SPEF2: variants seen among roughly 807,000 people sequenced by gnomAD.
SPEF2 encodes sperm flagella and cilia-associated protein 2.
A neutral mutation model predicts 224.6 loss-of-function variants in SPEF2; 187 were observed. That is an observed-to-expected ratio of 0.83 (90% CI 0.74 to 0.94). The LOEUF (loss-of-function observed/expected upper bound fraction) is 0.94. Among genes scored for constraint, SPEF2 ranks in the 40% least tolerant of loss-of-function variants. The pLI is 0.00. For missense variants in SPEF2, 2,170 were observed against 2,135.6 expected (o/e 1.02, Z -0.32); for synonymous variants, 715 against 707.3 (o/e 1.01, Z -0.17).
At chr5:35,697,298 A>T in intron 14 of SPEF2, among the ~76,000 whole-genome samples, 1 of 152,222 alleles carries the variant, frequency 6.6e-6, no homozygotes, top group East Asian at 1.9e-4. Flanking sequence ...AATCTGTGGA[A>T]TTTGACCATG....
intron 23 of SPEF2, among the ~76,000 whole-genome samples, chr5:35,752,714 C>T (rs1749847669): frequency 7.4e-5 from 1 of 13,502 alleles, no homozygotes; most frequent in Admixed American, 2.2e-3. Flanking sequence ...AGTTCGTATT[C>T]TGGCTCCACC....
chr5:35,794,702 G>A (rs564018871), intron 32 of SPEF2, among the ~76,000 whole-genome samples: 3 of 152,244 alleles, frequency 2.0e-5, no homozygotes, highest in East Asian at 1.9e-4. Flanking sequence ...CAATTTGAAC[G>A]TCCTTTTGCA....
At chr5:35,718,407 G>A (rs1302608608) in intron 20 of SPEF2, among the ~76,000 whole-genome samples, 1 of 152,114 alleles carries the variant, frequency 6.6e-6, no homozygotes, top group Non-Finnish European at 1.5e-5. Flanking sequence ...GCATTTGAAA[G>A]GGATACAGAG....
intron 23 of SPEF2, among the ~76,000 whole-genome samples, chr5:35,743,174 AG>A (rs1747955997): frequency 6.6e-6 from 1 of 151,838 alleles, no homozygotes; most frequent in African/African-American, 2.4e-5. Context: ...ACTTATTATT[AG>A]GCATGGAAGA....
rs370365271 is a variant in SPEF2 at position 35,691,018 on chromosome 5, T to C, written c.1525-19T>C. On this transcript the variant is annotated intron_variant, in intron 10 of 36. Transcript: ENST00000356031. ...CACTTTTCAGAATATTTCTGTTTAT[T>C]TGATCGTTATTTTTACAGAACATGG... is the stretch of plus-strand genomic sequence containing the variant. 1.3e-6 allele frequency: 2 copies of C among 1,592,060 alleles called. No individual in the cohort carries two copies. The highest frequency in any genetic ancestry group is 1.7e-6 in the Non-Finnish European group (2 of 1,164,616).
At chr5:35,706,339 T>G (rs1739764826) in intron 18 of SPEF2, among the ~76,000 whole-genome samples, 1 of 151,998 alleles carries the variant, frequency 6.6e-6, no homozygotes, top group East Asian at 1.9e-4. Flanking sequence ...AATTATATAT[T>G]AACTTGCTTT....
rs1165999924 is a variant in SPEF2, at chr5:35,738,897, A to G, written c.3064-1022A>G. ...CTAATTTCTTTGGAACATTGTGCCC[A>G]TAAACTTTTTGTAAAGCATCAATGA... On this transcript the variant is annotated intron_variant, in intron 21 of 36. Transcript: ENST00000356031. Among the ~76,000 whole-genome samples the G allele has an allele frequency of 3.3e-5, 5 of 152,136 alleles. No individual in the cohort carries two copies. The East Asian group carries it at 7.8e-4, about 24-fold the overall frequency.
chr5:35,754,310 T>C (rs1750129454), intron 24 of SPEF2, among the ~76,000 whole-genome samples: 1 of 152,202 alleles, frequency 6.6e-6, no homozygotes, highest in South Asian at 2.1e-4. Flanking sequence ...TATTCGACAC[T>C]ATTGTCAGCA....
At chr5:35,690,916 TTAAAG>T (rs1473576196) in intron 10 of SPEF2, 116 bp from the exon 11 acceptor site, 38 of 659,334 alleles carry the variant, frequency 5.8e-5, no homozygotes, top group Middle Eastern at 8.5e-4. Context: ...TATAATATAA[TTAAAG>T]TATTCATTGG....
At chr5:35,622,109 G>T (rs1743599757) in intron 1 of SPEF2, among the ~76,000 whole-genome samples, 1 of 152,098 alleles carries the variant, frequency 6.6e-6, no homozygotes, top group Non-Finnish European at 1.5e-5. Flanking sequence ...ATATATTTTT[G>T]TGAGTTTTAA....
At position 35,759,670 on chromosome 5, in the gene SPEF2, A is replaced by G; in HGVS notation, c.3571A>G (p.Ile1191Val). 3 of 1,609,768 alleles carry G rather than the reference A, an allele frequency of 1.9e-6. No individual in the cohort carries two copies. The highest frequency in any genetic ancestry group is 2.5e-6 in the Non-Finnish European group (3 of 1,177,102). The change falls in exon 25 of 37, where the codon ATC (isoleucine) becomes GTC (valine). Residue 1191 changes from isoleucine to valine, a missense_variant. By Grantham distance (29) the Ile-to-Val change is conservative. Transcript: ENST00000356031. The stretch of plus-strand genomic sequence containing the variant: ...AGAGGACAACAAGAGATTTACTCGA[A>G]TCCCTTTGGTCCAACTGGATAGTAA... ...PVEDNKRFTR[I>V]PLVQLDSKDN... is the part of the protein sequence containing the mutation.
intron 30 of SPEF2, chr5:35,789,336 T>C (rs1159287823): frequency 5.7e-6 from 4 of 703,408 alleles, no homozygotes; most frequent in Non-Finnish European, 7.8e-6. Context: ...TTTGCCACTT[T>C]AGAGTCAATG....
chr5:35,619,591 C>A (rs537113103), intron 1 of SPEF2, among the ~76,000 whole-genome samples: 2 of 152,012 alleles, frequency 1.3e-5, no homozygotes, highest in Middle Eastern at 3.4e-3. Flanking sequence ...GCAGGAGAAT[C>A]GCTTGAACCC....
At chr5:35,736,983 G>A (rs1436121899) in intron 21 of SPEF2, among the ~76,000 whole-genome samples, 3 of 152,002 alleles carry the variant, frequency 2.0e-5, no homozygotes, top group Non-Finnish European at 2.9e-5. Context: ...ACTTTGGTTG[G>A]ACCACTTCCA....
At chr5:35,754,488 A>G (rs1397076516) in intron 24 of SPEF2, among the ~76,000 whole-genome samples, 1 of 152,228 alleles carries the variant, frequency 6.6e-6, no homozygotes, top group East Asian at 1.9e-4. Context: ...AGGTAGTTTT[A>G]GGACTTGAAG....
At chr5:35,726,586 C>T (rs1440117457) in intron 20 of SPEF2, among the ~76,000 whole-genome samples, 1 of 152,148 alleles carries the variant, frequency 6.6e-6, no homozygotes, top group South Asian at 2.1e-4. Context: ...TTCTCCTCTA[C>T]TTATAATCTA....
intron 9 of SPEF2, among the ~76,000 whole-genome samples, chr5:35,668,572 T>C (rs1196888559): frequency 6.6e-6 from 1 of 152,082 alleles, no homozygotes; most frequent in Non-Finnish European, 1.5e-5. Context: ...TGATAGAAGG[T>C]TCTGTATCTT....
At chr5:35,755,082 G>A (rs895378131) in intron 24 of SPEF2, among the ~76,000 whole-genome samples, 3 of 152,214 alleles carry the variant, frequency 2.0e-5, no homozygotes, top group Non-Finnish European at 2.9e-5. Flanking sequence ...AAGAAATCAG[G>A]ATACCAGGAC....
chr5:35,658,087 T>A (rs183071020), intron 7 of SPEF2, among the ~76,000 whole-genome samples: 200 of 152,352 alleles, frequency 1.3e-3, no homozygotes, highest in African/African-American at 4.6e-3. Context: ...ATGATGTCTC[T>A]GTTTCGAAAG....
Sources: allele counts gnomAD v4.1 joint callset (sites outside exome capture counted in the v4.1 genomes callset), GRCh38; gene constraint gnomAD v4.1.1; transcripts MANE v1.5; gene names NCBI Gene and HGNC (gene_info 2026-07-23, HGNC 2026-07-21).